The following COL10A1 variants were observed in gnomAD, a reference collection of about 807,000 sequenced individuals.
The protein encoded by COL10A1 is collagen type X alpha 1 chain, also known as collagen alpha-1(X) chain.
COL10A1 carries 10 observed loss-of-function variants against 18.2 expected under a neutral mutation model. The observed-to-expected ratio is 0.55, with a 90% CI of 0.34 to 0.93. COL10A1 has a LOEUF of 0.93. Among genes scored for constraint, COL10A1 ranks in the 40% least tolerant of loss-of-function variants. The probability of loss-of-function intolerance (pLI) is 0.02; values close to 1 mark genes in which losing one functional copy is unlikely to be tolerated. For synonymous variants in COL10A1, 330 were observed against 316.6 expected (o/e 1.04, Z -0.45); for missense variants, 897 against 853.5 (o/e 1.05, Z -0.64).
chr6:116,150,556 AT>A (rs1370921593), intron 1 of COL10A1, among the ~76,000 whole-genome samples: 3 of 152,208 alleles, frequency 2.0e-5, no homozygotes, highest in Non-Finnish European at 4.4e-5. Context: ...AAACGCTGGG[AT>A]TACAGGCGTG....
rs1779032648 is a variant in COL10A1 at position 116,119,238 on chromosome 6, TA to T, written c.*834del. 6.5e-6 allele frequency: 1 copy of T among 152,694 alleles called. No individual in the cohort carries two copies. The allele number at this position is 152,694 out of a possible 1,614,324, so 9.5% of individuals were successfully genotyped here. ...AATGGGAGGCACAAGGTACATGTGC[TA>T]ATGTTCTGTAAATCCAGAAAATCAT... On this transcript the variant is annotated 3_prime_UTR_variant, in exon 3 of 3. Coordinates refer to ENST00000651968, the MANE Select transcript of COL10A1 (RefSeq NM_000493.4).
intron 1 of COL10A1, among the ~76,000 whole-genome samples, chr6:116,145,164 C>A (rs1012410094): frequency 2.0e-5 from 3 of 152,132 alleles, no homozygotes; most frequent in African/African-American, 2.4e-5. Flanking sequence ...CTCTCCTCCT[C>A]ACTCTGCAGT....
the COL10A1 span, among the ~76,000 whole-genome samples, chr6:116,206,282 T>C: frequency 1.3e-5 from 2 of 151,980 alleles, no homozygotes; most frequent in African/African-American, 4.8e-5. Flanking sequence ...TAACACAAAA[T>C]TTTTACTATG....
At chr6:116,197,804 G>A in the COL10A1 span, among the ~76,000 whole-genome samples, 4 of 152,020 alleles carry the variant, frequency 2.6e-5, no homozygotes, top group Non-Finnish European at 4.4e-5. Context: ...AAAGCGCTAG[G>A]TAAACATTTC....
the COL10A1 span, among the ~76,000 whole-genome samples, chr6:116,171,359 TAAATA>T: frequency 2.4e-4 from 36 of 152,334 alleles, no homozygotes; most frequent in African/African-American, 8.7e-4. Flanking sequence ...CCAGGAATTA[TAAATA>T]GACACTGTTC....
At chr6:116,135,862 TATATATATATAC>T (rs1204295948) in intron 1 of COL10A1, among the ~76,000 whole-genome samples, 119 of 106,096 alleles carry the variant, frequency 1.1e-3, no homozygotes, top group African/African-American at 2.0e-3. Context: ...TATATATATA[TATATATATATAC>T]ACACATACAC....
At chr6:116,144,566 C>T (rs201590648) in intron 1 of COL10A1, among the ~76,000 whole-genome samples, 23 of 151,492 alleles carry the variant, frequency 1.5e-4, no homozygotes, top group African/African-American at 4.8e-4. Context: ...TTCTATATTA[C>T]TTTAAATATA....
chr6:116,120,856 G>A lies in COL10A1; in HGVS notation c.1260C>T (p.Leu420=), dbSNP rs1779097025. The change falls in exon 3 of 3, where the codon CTC becomes CTT. Residue 420 remains leucine, a synonymous_variant. Coordinates refer to ENST00000651968, the MANE Select transcript of COL10A1 (RefSeq NM_000493.4). ...CTCCTGCTGGGCCCACAGGGCCTGG[G>A]AGACCAGGAGGTCCTCCAACTCCAG... is the stretch of plus-strand genomic sequence containing the variant. ...GDPGVGGPPG[L]PGPVGPAGAK... is the part of the protein sequence containing the mutation. 6.2e-7 allele frequency: 1 copy of A among 1,613,986 alleles called. No individual in the cohort carries two copies. Among genetic ancestry groups the A allele is most frequent in the Non-Finnish European group, 8.5e-7 (1 of 1,179,940 alleles).
intron 1 of COL10A1, chr6:116,137,108 G>T: frequency 4.6e-6 from 1 of 217,026 alleles, no homozygotes; most frequent in South Asian, 9.1e-5. Context: ...TTTGCTTGAT[G>T]AAATACCACA....
chr6:116,163,806 CAT>C, the COL10A1 span, among the ~76,000 whole-genome samples: 2 of 152,250 alleles, frequency 1.3e-5, no homozygotes, highest in Admixed American at 1.3e-4. Flanking sequence ...TGATATGTTA[CAT>C]GTCTATATTC....
chr6:116,184,843 AT>A, the COL10A1 span, among the ~76,000 whole-genome samples: 211 of 151,978 alleles, frequency 1.4e-3, 3 homozygotes, highest in African/African-American at 4.4e-3. Flanking sequence ...TTTTTGTTAT[AT>A]TATGTTTTGT....
In COL10A1 at chr6:116,121,067, C is replaced by T. The variant is rs1403393545; in HGVS notation, c.1049G>A (p.Gly350Asp). The change falls in exon 3 of 3, where the codon GGC (glycine) becomes GAC (aspartate). Residue 350 changes from glycine to aspartate, a missense_variant. Physicochemically the swap from Gly to Asp is moderately conservative, Grantham distance 94. Transcript: ENST00000651968. ...TGGGAGACCATGGCTACCCGGGATG[C>T]CTTTTGGTCCTTGGGGTCCCATATT... ...PGNMGPQGPK[G>D]IPGSHGLPGP... 4 of 1,614,084 alleles carry T rather than the reference C, an allele frequency of 2.5e-6. No homozygotes were observed. Among genetic ancestry groups the T allele is most frequent in the Middle Eastern group, 3.3e-4 (2 of 6,062 alleles).
At chr6:116,160,925 A>T (rs1780312024), upstream of COL10A1, among the ~76,000 whole-genome samples, 2 of 152,044 alleles carry the variant, frequency 1.3e-5, no homozygotes, top group Admixed American at 1.3e-4. Flanking sequence ...ACAATAGCAA[A>T]GACTTGGAAC....
upstream of COL10A1, among the ~76,000 whole-genome samples, chr6:116,126,493 G>A (rs1191805693): frequency 6.6e-6 from 1 of 152,098 alleles, no homozygotes; most frequent in African/African-American, 2.4e-5. Context: ...ATATGTGGTA[G>A]TACATAAAAG....
chr6:116,178,325 A>AT, the COL10A1 span, among the ~76,000 whole-genome samples: 3 of 152,262 alleles, frequency 2.0e-5, no homozygotes, highest in Admixed American at 1.3e-4. Context: ...TCAGGGTGGT[A>AT]TGGCCATAAG....
the COL10A1 span, among the ~76,000 whole-genome samples, chr6:116,178,313 A>C: frequency 6.6e-6 from 1 of 152,178 alleles, no homozygotes; most frequent in Non-Finnish European, 1.5e-5. Flanking sequence ...CATTGGGCGC[A>C]TTCAGGGTGG....
rs777526306 is a variant in COL10A1, at chr6:116,121,296, G to T, written c.820C>A (p.Gln274Lys). 1 of 1,614,014 alleles carries T rather than the reference G, an allele frequency of 6.2e-7. No individual in the cohort carries two copies. Among genetic ancestry groups the T allele is most frequent in the Non-Finnish European group, 8.5e-7 (1 of 1,179,956 alleles). The change falls in exon 3 of 3, where the codon CAG becomes AAG. Residue 274 changes from glutamine (Q) to lysine (K), a missense_variant. Coordinates refer to ENST00000651968, the MANE Select transcript of COL10A1 (RefSeq NM_000493.4). ...GKPGAAGAPG[Q>K]PGIPGTKGLP... ...CCTTTTGTTCCTGGAATCCCTGGCT[G>T]GCCTGGGGCTCCAGCAGCTCCTGGC...
upstream of COL10A1, among the ~76,000 whole-genome samples, chr6:116,129,819 T>A (rs1422783650): frequency 2.0e-5 from 3 of 152,200 alleles, no homozygotes; most frequent in African/African-American, 7.2e-5. Context: ...TCTCATGCAA[T>A]TTCCTGTGAT....
the COL10A1 span, among the ~76,000 whole-genome samples, chr6:116,171,502 G>C: frequency 6.6e-6 from 1 of 152,118 alleles, no homozygotes; most frequent in Non-Finnish European, 1.5e-5. Context: ...ATTTCAGACT[G>C]GTACTTACAA....
Sources: gnomAD v4.1 joint callset for allele counts (sites outside exome capture counted in the v4.1 genomes callset) on GRCh38, gnomAD v4.1.1 for gene constraint, MANE v1.5 for transcripts, NCBI Gene and HGNC (gene_info 2026-07-23, HGNC 2026-07-21) for gene names.